Variants in UBE2D3 observed in about 807,000 individuals in gnomAD.
UBE2D3 encodes ubiquitin conjugating enzyme E2 D3.
A neutral mutation model predicts 22.8 loss-of-function variants in UBE2D3; 2 were observed. The observed-to-expected ratio is 0.09, with a 90% CI of 0.04 to 0.28. The LOEUF (loss-of-function observed/expected upper bound fraction) is 0.28. UBE2D3 is among the 10% of genes least tolerant of loss of function. The pLI is 1.00. For synonymous variants in UBE2D3, 56 were observed against 60.4 expected (o/e 0.93, Z 0.34); for missense variants, 27 against 182.5 (o/e 0.15, Z 4.91).
chr4:102,799,202 A>G (rs1198668228), intron 7 of UBE2D3, among the ~76,000 whole-genome samples: 1 of 151,948 alleles, frequency 6.6e-6, no homozygotes, highest in Non-Finnish European at 1.5e-5. Flanking sequence ...AAAAACAACA[A>G]TAAAACATTT....
chr4:102,809,628 T>C, intron 4 of UBE2D3, 44 bp downstream of exon 4: 4 of 1,545,872 alleles, frequency 2.6e-6, no homozygotes, highest in Non-Finnish European at 3.5e-6. Flanking sequence ...AAATCAATGC[T>C]GGATTTTCAC....
At chr4:102,802,499 G>T in intron 5 of UBE2D3, 62 bp downstream of exon 5, 2 of 1,374,778 alleles carry the variant, frequency 1.5e-6, no homozygotes, top group Non-Finnish European at 2.0e-6. Context: ...TTCCAAGAAT[G>T]CTCTATTCCT....
chr4:102,827,714 T>C, upstream of UBE2D3: 7 of 931,966 alleles, frequency 7.5e-6, no homozygotes, highest in Non-Finnish European at 8.6e-6. Context: ...CAAGCCCTTT[T>C]CCTTCTTCTC....
At chr4:102,857,670 T>A (rs1216744772) in intron 1 of UBE2D3, among the ~76,000 whole-genome samples, 1 of 152,174 alleles carries the variant, frequency 6.6e-6, no homozygotes, top group Non-Finnish European at 1.5e-5. Flanking sequence ...TTCTGTAACA[T>A]GTATATATAT....
At chr4:102,862,907 G>C (rs1248135261) in intron 1 of UBE2D3, among the ~76,000 whole-genome samples, 1 of 152,172 alleles carries the variant, frequency 6.6e-6, no homozygotes, top group Non-Finnish European at 1.5e-5. Context: ...CATGATGCCA[G>C]TATCTGCTTC....
chr4:102,860,450 C>A (rs928004270), intron 1 of UBE2D3, among the ~76,000 whole-genome samples: 1 of 150,024 alleles, frequency 6.7e-6, no homozygotes, highest in African/African-American at 2.5e-5. Flanking sequence ...TTCTTTTAAG[C>A]CTTGTCTTCT....
At chr4:102,831,210 G>A (rs1560879828), upstream of UBE2D3, among the ~76,000 whole-genome samples, 1 of 152,102 alleles carries the variant, frequency 6.6e-6, no homozygotes, top group Non-Finnish European at 1.5e-5. Context: ...ATTCTGCCTG[G>A]ACCAAGTAAT....
intron 1 of UBE2D3, among the ~76,000 whole-genome samples, chr4:102,832,689 C>T (rs2110346527): frequency 6.6e-6 from 1 of 152,224 alleles, no homozygotes. Flanking sequence ...GGGAATTCTC[C>T]CTCCAGTTAC....
chr4:102,827,118 AT>A, intron 1 of UBE2D3: 1 of 986,538 alleles, frequency 1.0e-6, no homozygotes, highest in Non-Finnish European at 1.2e-6. Flanking sequence ...GCAGCGAGCT[AT>A]TCTGTGTCAC....
chr4:102,827,812 C>A, upstream of UBE2D3: 2 of 986,330 alleles, frequency 2.0e-6, no homozygotes, highest in Non-Finnish European at 2.4e-6. Flanking sequence ...GGAGGGTGAA[C>A]GAGTGGCGGA....
intron 4 of UBE2D3, among the ~76,000 whole-genome samples, chr4:102,805,913 T>A (rs1726958102): frequency 6.6e-6 from 1 of 151,990 alleles, no homozygotes; most frequent in African/African-American, 2.4e-5. Flanking sequence ...ATCATCAACT[T>A]CTTCCTCTCT....
At chr4:102,841,017 TAA>T (rs34074725) in intron 1 of UBE2D3, among the ~76,000 whole-genome samples, 3 of 140,512 alleles carry the variant, frequency 2.1e-5, no homozygotes, top group Non-Finnish European at 3.1e-5. Flanking sequence ...AAGACTCTTT[TAA>T]AAAAAAAAAA....
At position 102,825,543 on chromosome 4, in the gene UBE2D3, G is replaced by C. The variant is rs1175069011; in HGVS notation, c.24+942C>G. Reference sequence around the variant, plus strand: ...TAAAGCAGCCGCCATCTTAAAATGCGGGATAGAAGTTAGAGCAAGAAAATG... The same window carrying C: ...TAAAGCAGCCGCCATCTTAAAATGCCGGATAGAAGTTAGAGCAAGAAAATG... On this transcript the variant is annotated intron_variant, in intron 2 of 7. Coordinates refer to ENST00000453744, the MANE Select transcript of UBE2D3 (RefSeq NM_181891.3). 4.3e-6 allele frequency: 5 copies of C among 1,173,682 alleles called. No individual in the cohort carries two copies. In the Admixed American group the frequency reaches 1.2e-4, roughly 27 times the overall value. The allele number at this position is 1,173,682 out of a possible 1,614,324, so 72.7% of individuals were successfully genotyped here.
At chr4:102,858,802 C>CT (rs892261312) in intron 1 of UBE2D3, among the ~76,000 whole-genome samples, 2 of 151,916 alleles carry the variant, frequency 1.3e-5, no homozygotes, top group African/African-American at 4.8e-5. Flanking sequence ...AAACTCGACA[C>CT]TTTAACTCAT....
At chr4:102,819,260 A>C (rs1053983724) in intron 2 of UBE2D3, among the ~76,000 whole-genome samples, 1 of 150,900 alleles carries the variant, frequency 6.6e-6, no homozygotes, top group Non-Finnish European at 1.5e-5. Flanking sequence ...AACCCAGGAG[A>C]CGGTGGTTGC....
intron 2 of UBE2D3, among the ~76,000 whole-genome samples, chr4:102,821,279 A>G (rs932412841): frequency 6.6e-6 from 1 of 152,210 alleles, no homozygotes; most frequent in Non-Finnish European, 1.5e-5. Flanking sequence ...ATACTAGTAC[A>G]AAAAATACAG....
rs553921183 is a variant in UBE2D3 at position 102,855,842 on chromosome 4, G to A, written c.-129+12873C>T. Among the ~76,000 whole-genome samples the A allele has an allele frequency of 5.9e-5, 9 of 152,204 alleles. No individual in the cohort carries two copies. The South Asian group carries it at 1.2e-3, about 21-fold the overall frequency. ...ATGGCAAGGGGGACAGAGACAAAAA[G>A]ATACAAATTAACTAAATAATAAACA... On this transcript the variant is annotated intron_variant, in intron 1 of 7. Transcript: ENST00000338145.
chr4:102,847,952 A>G (rs1365883240), intron 1 of UBE2D3, among the ~76,000 whole-genome samples: 3 of 152,130 alleles, frequency 2.0e-5, no homozygotes, highest in African/African-American at 7.2e-5. Context: ...TAACCCACGT[A>G]TGCCTAGCGT....
At chr4:102,845,364 T>A (rs879620217) in intron 1 of UBE2D3, among the ~76,000 whole-genome samples, 2 of 152,262 alleles carry the variant, frequency 1.3e-5, no homozygotes, top group Non-Finnish European at 2.9e-5. Flanking sequence ...GAAAAAATAC[T>A]GATGCCTGGG....
Sources: allele counts gnomAD v4.1 joint callset (sites outside exome capture counted in the v4.1 genomes callset), GRCh38; gene constraint gnomAD v4.1.1; transcripts MANE v1.5; gene names NCBI Gene and HGNC (gene_info 2026-07-23, HGNC 2026-07-21).